Variants in PRDM16 observed in about 807,000 individuals in gnomAD.
PRDM16 encodes the protein histone-lysine N-methyltransferase PRDM16.
In PRDM16, 23 loss-of-function variants were observed where a neutral mutation model predicts 110.6. The ratio of observed to expected loss-of-function variants is 0.21; its 90% confidence interval spans 0.15 to 0.29. The LOEUF (loss-of-function observed/expected upper bound fraction) is 0.29, where lower values mean the gene tolerates loss of function less well. Among genes scored for constraint, PRDM16 ranks in the 10% least tolerant of loss-of-function variants. The pLI is 1.00. For missense variants in PRDM16, 1,615 were observed against 1,794.3 expected (o/e 0.90, Z 1.81); for synonymous variants, 799 against 781.8 (o/e 1.02, Z -0.37).
chr1:3,286,625 A>C (rs1042098819), intron 3 of PRDM16, among the ~76,000 whole-genome samples: 2 of 151,996 alleles, frequency 1.3e-5, no homozygotes, highest in African/African-American at 4.8e-5. Flanking sequence ...TGTCCTCCAT[A>C]AGGGCCTGAG....
chr1:3,186,262 G>T lies in PRDM16; in HGVS notation c.175G>T (p.Asp59Tyr). ...GPPSPFPTSE[D>Y]FTPKEGSPYE... ...ACCGTCCCCCTTCCCCACCAGCGAG[G>T]ACTTCACCCCCAAGGAGGGCTCGCC... Residue 59 changes from aspartate (D) to tyrosine (Y), a missense_variant, in exon 2 of 17, where the codon GAC (aspartate) becomes TAC (tyrosine). Physicochemically the swap from Asp to Tyr is radical, Grantham distance 160. Transcript: ENST00000270722. 2 of 1,612,284 alleles carry T rather than the reference G, an allele frequency of 1.2e-6. No homozygotes were observed. Among genetic ancestry groups the T allele is most frequent in the East Asian group, 2.2e-5 (1 of 44,874 alleles).
intron 5 of PRDM16, among the ~76,000 whole-genome samples, chr1:3,399,463 A>G (rs1643433644): frequency 1.3e-5 from 2 of 152,092 alleles, no homozygotes; most frequent in South Asian, 4.2e-4. Context: ...ACCTGCCTGG[A>G]AGACAGCCGG....
chr1:3,248,991 G>T (rs1456307642), intron 3 of PRDM16, among the ~76,000 whole-genome samples: 1 of 152,214 alleles, frequency 6.6e-6, no homozygotes, highest in Non-Finnish European at 1.5e-5. Context: ...TTGTGCAGCA[G>T]TTACTGGAGG....
At chr1:3,418,210 C>G (rs1381103309) in intron 11 of PRDM16, among the ~76,000 whole-genome samples, 1 of 152,238 alleles carries the variant, frequency 6.6e-6, no homozygotes, top group Non-Finnish European at 1.5e-5. Flanking sequence ...CTCTTGGGAG[C>G]TCAAGAATAT....
intron 1 of PRDM16, among the ~76,000 whole-genome samples, chr1:3,103,384 CT>C (rs1642575749): frequency 1.3e-5 from 2 of 152,214 alleles, no homozygotes; most frequent in Admixed American, 6.5e-5. Flanking sequence ...AATGACCTCC[CT>C]TTACCTTAGT....
chr1:3,158,286 G>T (rs1341581840), intron 1 of PRDM16, among the ~76,000 whole-genome samples: 2 of 152,140 alleles, frequency 1.3e-5, no homozygotes, highest in Non-Finnish European at 2.9e-5. Context: ...ACCTCAAGGG[G>T]GTTGCTTTCC....
chr1:3,267,884 C>T (rs979932300), intron 3 of PRDM16, among the ~76,000 whole-genome samples: 1 of 152,224 alleles, frequency 6.6e-6, no homozygotes, highest in East Asian at 1.9e-4. Context: ...GATCCTAAGC[C>T]GAGTCAGAAG....
At chr1:3,423,706 C>T (rs1201467122) in intron 12 of PRDM16, among the ~76,000 whole-genome samples, 3 of 152,196 alleles carry the variant, frequency 2.0e-5, no homozygotes, top group African/African-American at 2.4e-5. Context: ...ACACCCACTC[C>T]GGGTGAACAA....
At chr1:3,203,925 G>T (rs1177023306) in intron 2 of PRDM16, among the ~76,000 whole-genome samples, 1 of 152,076 alleles carries the variant, frequency 6.6e-6, no homozygotes, top group Non-Finnish European at 1.5e-5. Context: ...GACAGAAGGC[G>T]GTGCCCCAGT....
At chr1:3,393,229 C>T (rs1451443238) in intron 4 of PRDM16, among the ~76,000 whole-genome samples, 1 of 152,186 alleles carries the variant, frequency 6.6e-6, no homozygotes, top group African/African-American at 2.4e-5. Context: ...ATAGCGGAGG[C>T]GAGTGTTTAT....
intron 1 of PRDM16, among the ~76,000 whole-genome samples, chr1:3,159,342 C>A (rs892017687): frequency 6.6e-6 from 1 of 152,274 alleles, no homozygotes; most frequent in Admixed American, 6.5e-5. Context: ...GCAACAGGAA[C>A]TTACCTCCAC....
At chr1:3,112,362 C>T (rs575313498) in intron 1 of PRDM16, among the ~76,000 whole-genome samples, 4 of 152,350 alleles carry the variant, frequency 2.6e-5, no homozygotes, top group Admixed American at 6.5e-5. Flanking sequence ...CCCCGGGAAC[C>T]GGCCTCTCAG....
intron 3 of PRDM16, among the ~76,000 whole-genome samples, chr1:3,266,825 G>GC (rs1187757959): frequency 6.6e-6 from 1 of 152,048 alleles, no homozygotes; most frequent in African/African-American, 2.4e-5. Flanking sequence ...ACAGGCAACC[G>GC]CCCCCACGCC....
chr1:3,082,563 G>A (rs1010964119), intron 1 of PRDM16, among the ~76,000 whole-genome samples: 1 of 152,234 alleles, frequency 6.6e-6, no homozygotes, highest in South Asian at 2.1e-4. Flanking sequence ...GAGGCTGGGG[G>A]TGCAGCTCCG....
In PRDM16 at chr1:3,114,398, G is replaced by C. The variant is rs1438487241; in HGVS notation, c.37+45102G>C. 5.1e-4 allele frequency among the ~76,000 whole-genome samples: 66 copies of C among 128,348 alleles called. No individual in the cohort carries two copies. In the East Asian group the frequency reaches 0.015, roughly 30 times the overall value. 84.2% of individuals were successfully genotyped at this position (128,348 alleles called of 152,430 possible). A position where few individuals can be genotyped will look rare whatever the true frequency, so the allele number is the denominator to read the frequency against. ...CAGGTGTAAACAGACGCGCACGCAC[G>C]CGCACACACACGCACACACATGCAC... On this transcript the variant is annotated intron_variant, in intron 1 of 16. Transcript: ENST00000270722.
intron 2 of PRDM16, among the ~76,000 whole-genome samples, chr1:3,203,333 C>T (rs1638676010): frequency 6.6e-6 from 1 of 152,210 alleles, no homozygotes; most frequent in Non-Finnish European, 1.5e-5. Context: ...GTTGAGTTCT[C>T]ATTCTATGTT....
intron 3 of PRDM16, among the ~76,000 whole-genome samples, chr1:3,323,923 C>T (rs957043015): frequency 3.9e-5 from 6 of 152,210 alleles, no homozygotes; most frequent in Admixed American, 6.5e-5. Context: ...ACCAACATTG[C>T]GGGCAGCGGA....
At chr1:3,408,820 G>A (rs1209601178) in intron 8 of PRDM16, among the ~76,000 whole-genome samples, 15 of 150,890 alleles carry the variant, frequency 9.9e-5, no homozygotes, top group Middle Eastern at 3.3e-3. Context: ...GTGTGGGCGC[G>A]TGAGCTGGTG....
Position 3,430,875 on chromosome 1 carries a change from G to T in PRDM16, c.3288G>T (p.Ala1096=). The change falls in exon 15 of 17, where the codon GCG becomes GCT. Residue 1096 remains alanine (A), a synonymous_variant. Transcript: ENST00000270722. ...NQASTRTEKR[A]DMQIVDGSAQ... is the part of the protein sequence containing the mutation. ...ATCTCCTCCTGCATCATTTCAGGGC[G>T]GACATGCAGATCGTGGACGGCAGTG... 6.2e-7 allele frequency: 1 copy of T among 1,614,000 alleles called. No homozygotes were observed. The highest frequency in any genetic ancestry group is 8.5e-7 in the Non-Finnish European group (1 of 1,179,946).
Sources: gnomAD v4.1 joint callset for allele counts (sites outside exome capture counted in the v4.1 genomes callset) on GRCh38, gnomAD v4.1.1 for gene constraint, MANE v1.5 for transcripts, NCBI Gene and HGNC (gene_info 2026-07-23, HGNC 2026-07-21) for gene names.